Variants in CDH12 observed in about 807,000 individuals in gnomAD.
CDH12 encodes the protein cadherin 12, also known as cadherin-12.
In CDH12, 41 loss-of-function variants were observed where a neutral mutation model predicts 74.1. The observed-to-expected ratio is 0.55, with a 90% confidence interval of 0.43 to 0.72. CDH12 has a LOEUF of 0.72. Among genes scored for constraint, CDH12 ranks in the 30% least tolerant of loss-of-function variants. CDH12 has a pLI of 0.00. For missense variants in CDH12, 945 were observed against 977.2 expected (o/e 0.97, Z 0.44); for synonymous variants, 399 against 355.0 (o/e 1.12, Z -1.39).
intron 4 of CDH12, among the ~76,000 whole-genome samples, chr5:22,120,846 T>G (rs1017477832): frequency 6.6e-6 from 1 of 152,322 alleles, no homozygotes; most frequent in African/African-American, 2.4e-5. Flanking sequence ...ATACCTCAAA[T>G]GTACAGGTTT....
intron 1 of CDH12, among the ~76,000 whole-genome samples, chr5:22,613,219 G>T (rs776687832): frequency 5.3e-5 from 8 of 152,062 alleles, no homozygotes; most frequent in Non-Finnish European, 1.2e-4. Flanking sequence ...GGCCCTGGCA[G>T]ATTGAAATGT....
At chr5:22,790,622 A>G (rs1747860174) in intron 1 of CDH12, among the ~76,000 whole-genome samples, 2 of 151,468 alleles carry the variant, frequency 1.3e-5, no homozygotes, top group Admixed American at 1.3e-4. Context: ...AATATTACAG[A>G]TATATTATTA....
chr5:22,388,795 T>C (rs958836602), intron 3 of CDH12, among the ~76,000 whole-genome samples: 2 of 152,180 alleles, frequency 1.3e-5, no homozygotes, highest in African/African-American at 4.8e-5. Flanking sequence ...ATAACTCTTC[T>C]GATAACTCTT....
intron 4 of CDH12, among the ~76,000 whole-genome samples, chr5:22,106,862 T>C (rs1448826190): frequency 1.3e-5 from 2 of 152,192 alleles, no homozygotes; most frequent in Admixed American, 6.5e-5. Flanking sequence ...TAGTGTAAGA[T>C]GTATTAATAT....
chr5:22,325,482 A>G (rs1739046334), intron 3 of CDH12, among the ~76,000 whole-genome samples: 1 of 152,106 alleles, frequency 6.6e-6, no homozygotes, highest in Non-Finnish European at 1.5e-5. Context: ...CACATTAACT[A>G]TACAAAACAA....
rs62351360 is a variant in CDH12 at position 22,551,584 on chromosome 5, C to T, written c.-522-46220G>A. 5.6e-3 allele frequency among the ~76,000 whole-genome samples: 859 copies of T among 152,156 alleles called. 4 individuals are homozygous for T. The highest frequency in any genetic ancestry group is 1.0e-2 in the Non-Finnish European group (678 of 67,998). ...GGCCACCACACTAAGAAAAGCTTAA[C>T]GCATAGCAAACCTGTCATTCTAGAT... On this transcript the variant is annotated intron_variant, in intron 1 of 14. Transcript: ENST00000382254.
intron 5 of CDH12, among the ~76,000 whole-genome samples, chr5:22,048,583 T>C (rs1462754012): frequency 1.3e-5 from 2 of 151,910 alleles, no homozygotes; most frequent in Non-Finnish European, 2.9e-5. Flanking sequence ...CACAGGATAA[T>C]GCATTCAAAG....
At chr5:22,710,473 T>G (rs2126973138) in intron 1 of CDH12, among the ~76,000 whole-genome samples, 1 of 152,258 alleles carries the variant, frequency 6.6e-6, no homozygotes, top group Admixed American at 6.5e-5. Flanking sequence ...TACACAATAA[T>G]TTTTAGAATG....
At chr5:22,788,199 C>G (rs1747736059) in intron 1 of CDH12, among the ~76,000 whole-genome samples, 1 of 152,040 alleles carries the variant, frequency 6.6e-6, no homozygotes, top group South Asian at 2.1e-4. Flanking sequence ...CTGCAGTAGT[C>G]CTTATTTAAA....
chr5:22,358,213 A>G lies in CDH12; in HGVS notation c.-333+47044T>C, dbSNP rs533130152. ...CCCTTGAGGTCAGGAGTTCGAGACT[A>G]GCCTAGCCAACATGACAAAACCCCA... is the stretch of plus-strand genomic sequence containing the variant. On this transcript the variant is annotated intron_variant, in intron 3 of 14. Transcript: ENST00000382254. Among the ~76,000 whole-genome samples the G allele has an allele frequency of 2.6e-5, 4 of 152,292 alleles. 1 individual carries two copies. The South Asian group carries it at 8.3e-4, about 32-fold the overall frequency.
chr5:21,874,175 A>G (rs1034871917), intron 6 of CDH12, among the ~76,000 whole-genome samples: 1 of 152,228 alleles, frequency 6.6e-6, no homozygotes, highest in Non-Finnish European at 1.5e-5. Flanking sequence ...ATTTACAAGA[A>G]AAAACAAACA....
intron 1 of CDH12, among the ~76,000 whole-genome samples, chr5:22,845,658 C>T (rs1737267078): frequency 6.6e-6 from 1 of 152,088 alleles, no homozygotes; most frequent in Admixed American, 6.6e-5. Context: ...TGTTAGAGAA[C>T]ATCACTCTGA....
intron 3 of CDH12, among the ~76,000 whole-genome samples, chr5:22,267,393 A>G (rs538476191): frequency 2.0e-5 from 3 of 152,222 alleles, no homozygotes; most frequent in Non-Finnish European, 4.4e-5. Context: ...TGATTAGTGA[A>G]TTGGTTATTT....
intron 2 of CDH12, among the ~76,000 whole-genome samples, chr5:22,415,637 C>T (rs901375425): frequency 1.3e-5 from 2 of 152,140 alleles, no homozygotes; most frequent in Non-Finnish European, 2.9e-5. Context: ...ACAGGGCTGC[C>T]CTGCTGAGAG....
At chr5:22,105,411 C>T (rs900494440) in intron 4 of CDH12, among the ~76,000 whole-genome samples, 12 of 147,676 alleles carry the variant, frequency 8.1e-5, no homozygotes, top group Admixed American at 3.4e-4. Flanking sequence ...CAAATAAGAA[C>T]GCCAGGCTGG....
intron 1 of CDH12, among the ~76,000 whole-genome samples, chr5:22,704,814 T>C (rs1274512706): frequency 1.3e-5 from 2 of 152,066 alleles, no homozygotes; most frequent in Non-Finnish European, 2.9e-5. Context: ...TTTCACTTTT[T>C]GGAAACTTGA....
intron 8 of CDH12, among the ~76,000 whole-genome samples, chr5:21,830,199 C>CAAAAAAAA (rs1055199877): frequency 0.04 from 1,014 of 25,284 alleles, 157 homozygotes; most frequent in East Asian, 0.064. Flanking sequence ...AACTCCTTCT[C>CAAAAAAAA]AAAAAAAAAA....
chr5:21,871,561 C>T (rs1751621900), intron 6 of CDH12, among the ~76,000 whole-genome samples: 1 of 151,878 alleles, frequency 6.6e-6, no homozygotes, highest in East Asian at 1.9e-4. Context: ...GGAGAAACCC[C>T]TCTCTACTAA....
chr5:22,734,751 T>A (rs1322818192), intron 1 of CDH12, among the ~76,000 whole-genome samples: 1 of 151,972 alleles, frequency 6.6e-6, no homozygotes, highest in Admixed American at 6.6e-5. Context: ...AGATGGGGTC[T>A]ACGATAATGT....
Sources: gnomAD v4.1 joint callset for allele counts (sites outside exome capture counted in the v4.1 genomes callset) on GRCh38, gnomAD v4.1.1 for gene constraint, MANE v1.5 for transcripts, NCBI Gene and HGNC (gene_info 2026-07-23, HGNC 2026-07-21) for gene names.